The following GPR158 variants were observed in gnomAD, a reference collection of about 807,000 sequenced individuals.
The protein encoded by GPR158 is G protein-coupled receptor 158, also known as metabotropic glycine receptor.
A neutral mutation model predicts 78.2 loss-of-function variants in GPR158; 30 were observed. The ratio of observed to expected loss-of-function variants is 0.38; its 90% CI spans 0.29 to 0.52. GPR158 has a LOEUF of 0.52. Ranked by LOEUF, GPR158 falls within the 20% of genes least tolerant of loss-of-function variation. The pLI is 0.83. For synonymous variants in GPR158, 581 were observed against 591.1 expected (o/e 0.98, Z 0.25); for missense variants, 1,463 against 1,523.5 (o/e 0.96, Z 0.66).
chr10:25,357,826 G>T (rs1855574452), intron 2 of GPR158, among the ~76,000 whole-genome samples: 1 of 152,102 alleles, frequency 6.6e-6, no homozygotes, highest in Non-Finnish European at 1.5e-5. Flanking sequence ...GGAGCTTTGA[G>T]AAGAGGGCCA....
At chr10:25,283,014 G>A (rs1284619423) in intron 2 of GPR158, among the ~76,000 whole-genome samples, 2 of 152,074 alleles carry the variant, frequency 1.3e-5, no homozygotes, top group African/African-American at 4.8e-5. Flanking sequence ...CAATAATGCT[G>A]ACCTCATAAA....
At chr10:25,512,626 C>A (rs1379924735) in intron 5 of GPR158, among the ~76,000 whole-genome samples, 1 of 152,194 alleles carries the variant, frequency 6.6e-6, no homozygotes, top group Admixed American at 6.5e-5. Flanking sequence ...AGGGGGAATG[C>A]TCTCAACTTT....
At chr10:25,253,182 T>G (rs1853837343) in intron 2 of GPR158, among the ~76,000 whole-genome samples, 1 of 152,244 alleles carries the variant, frequency 6.6e-6, no homozygotes, top group Admixed American at 6.5e-5. Context: ...TCGCGCACCG[T>G]GCGCGCACCC....
intron 5 of GPR158, among the ~76,000 whole-genome samples, chr10:25,481,072 G>A (rs1010350613): frequency 2.0e-5 from 3 of 152,212 alleles, no homozygotes; most frequent in African/African-American, 2.4e-5. Context: ...ACACAGAAGC[G>A]GTTTATTACT....
intron 1 of GPR158, among the ~76,000 whole-genome samples, chr10:25,204,204 G>T (rs985547360): frequency 3.3e-5 from 5 of 152,158 alleles, no homozygotes; most frequent in Non-Finnish European, 7.4e-5. Flanking sequence ...TGCAAACAAA[G>T]ACAATTTGAC....
intron 4 of GPR158, among the ~76,000 whole-genome samples, chr10:25,415,291 A>G (rs1334754062): frequency 6.6e-6 from 1 of 152,144 alleles, no homozygotes; most frequent in Non-Finnish European, 1.5e-5. Flanking sequence ...AGTATCCAGA[A>G]TATATAAAGG....
chr10:25,279,930 T>C (rs139653876), intron 2 of GPR158, among the ~76,000 whole-genome samples: 1 of 151,954 alleles, frequency 6.6e-6, no homozygotes, highest in Non-Finnish European at 1.5e-5. Flanking sequence ...TTTTAGACTT[T>C]TGTGCCTGGC....
chr10:25,405,757 A>T (rs1378837714), intron 3 of GPR158, among the ~76,000 whole-genome samples: 1 of 151,986 alleles, frequency 6.6e-6, no homozygotes, highest in East Asian at 1.9e-4. Flanking sequence ...TATATTTAAC[A>T]AATTGATTTA....
At position 25,498,398 on chromosome 10, in the gene GPR158, T is replaced by C. The variant is rs531184946; in HGVS notation, c.1404+31679T>C. ...TCTTTGTAATGTAGTGGTTCTCAAA[T>C]TTGGTCACACATTGGAAGCATCTAA... On this transcript the variant is annotated intron_variant, in intron 5 of 10. Coordinates refer to ENST00000376351, the MANE Select transcript of GPR158 (RefSeq NM_020752.3). 1.9e-4 allele frequency among the ~76,000 whole-genome samples: 29 copies of C among 152,326 alleles called. No individual in the cohort carries two copies. The South Asian group carries it at 6.0e-3, about 32-fold the overall frequency.
intron 2 of GPR158, among the ~76,000 whole-genome samples, chr10:25,273,159 A>G (rs1004594946): frequency 6.6e-6 from 1 of 152,174 alleles, no homozygotes; most frequent in African/African-American, 2.4e-5. Flanking sequence ...ATGTCCTTCC[A>G]TATCCTCTCT....
chr10:25,429,294 C>G (rs1251271091), intron 4 of GPR158, among the ~76,000 whole-genome samples: 5 of 151,960 alleles, frequency 3.3e-5, no homozygotes, highest in Admixed American at 6.6e-5. Flanking sequence ...TTTCTTCGAA[C>G]AAATATGCAT....
intron 1 of GPR158, among the ~76,000 whole-genome samples, chr10:25,200,581 C>CTAT (rs1430769906): frequency 2.0e-5 from 3 of 152,070 alleles, no homozygotes; most frequent in Non-Finnish European, 4.4e-5. Context: ...AAATCCTTGC[C>CTAT]TATATCCAGA....
At chr10:25,578,232 C>G (rs1837132593) in intron 7 of GPR158, among the ~76,000 whole-genome samples, 1 of 152,218 alleles carries the variant, frequency 6.6e-6, no homozygotes, top group South Asian at 2.1e-4. Context: ...CCTCTTGTAG[C>G]TACGTGCTCC....
chr10:25,551,015 A>G lies in GPR158; in HGVS notation c.1444A>G (p.Ile482Val). 2 of 1,611,058 alleles carry G rather than the reference A, an allele frequency of 1.2e-6. No homozygotes were observed. The highest frequency in any genetic ancestry group is 1.7e-6 in the Non-Finnish European group (2 of 1,177,400). Residue 482 changes from isoleucine (I) to valine (V), a missense_variant, in exon 6 of 11, where the codon ATT (isoleucine) becomes GTT (valine). By Grantham distance (29) the Ile-to-Val change is conservative. Transcript: ENST00000376351. ...CTTTGAGCCAAGCACATTTCGCTGTATTCTCCTAAGATGGGCTCGTCTTCT... is the reference window on the plus strand; with the variant it reads ...CTTTGAGCCAAGCACATTTCGCTGTGTTCTCCTAAGATGGGCTCGTCTTCT... ...LYFEPSTFRC[I>V]LLRWARLLGF...
In GPR158 at chr10:25,418,245, G is replaced by C. The variant is rs1217846396; in HGVS notation, c.1335+5772G>C. The stretch of plus-strand genomic sequence containing the variant: ...ATTTTTAGTACATTTAATTGAAAGA[G>C]ATTTGTCCAGGCCCAAAATATCAAC... On this transcript the variant is annotated intron_variant, in intron 4 of 10. Coordinates refer to ENST00000376351, the MANE Select transcript of GPR158 (RefSeq NM_020752.3). Among the ~76,000 whole-genome samples the C allele has an allele frequency of 2.6e-5, 4 of 152,192 alleles. No individual in the cohort carries two copies. The East Asian group carries it at 7.7e-4, about 29-fold the overall frequency.
intron 2 of GPR158, among the ~76,000 whole-genome samples, chr10:25,312,167 T>C (rs964004681): frequency 2.0e-5 from 3 of 152,060 alleles, no homozygotes; most frequent in African/African-American, 4.8e-5. Flanking sequence ...TTATTTCCGA[T>C]CTGAAACCAT....
chr10:25,334,561 A>G (rs1032749246), intron 2 of GPR158, among the ~76,000 whole-genome samples: 1 of 151,978 alleles, frequency 6.6e-6, no homozygotes, highest in Non-Finnish European at 1.5e-5. Flanking sequence ...CTTTCACACT[A>G]TGCAAGCAGA....
intron 3 of GPR158, among the ~76,000 whole-genome samples, chr10:25,410,427 C>T (rs1226876963): frequency 6.6e-6 from 1 of 152,064 alleles, no homozygotes; most frequent in African/African-American, 2.4e-5. Context: ...ACCAGCCTGA[C>T]CAACATGGTG....
chr10:25,322,564 T>A (rs1029994333), intron 2 of GPR158, among the ~76,000 whole-genome samples: 1 of 152,186 alleles, frequency 6.6e-6, no homozygotes, highest in South Asian at 2.1e-4. Flanking sequence ...ATGTTTGTAA[T>A]GGCATTTAGA....
Sources: gnomAD v4.1 joint callset for allele counts (sites outside exome capture counted in the v4.1 genomes callset) on GRCh38, gnomAD v4.1.1 for gene constraint, MANE v1.5 for transcripts, NCBI Gene and HGNC (gene_info 2026-07-23, HGNC 2026-07-21) for gene names.